GPC3: variants seen among roughly 807,000 people sequenced by gnomAD.
The protein encoded by GPC3 is glypican 3.
GPC3 carries 3 observed loss-of-function variants against 34.4 expected under a neutral mutation model. The ratio of observed to expected loss-of-function variants is 0.09; its 90% CI spans 0.04 to 0.23. The LOEUF is 0.23. Ranked by LOEUF, GPC3 falls within the 10% of genes least tolerant of loss-of-function variation. The pLI is 1.00. For missense variants in GPC3, 351 were observed against 445.6 expected (o/e 0.79, Z 1.91); for synonymous variants, 177 against 174.0 (o/e 1.02, Z -0.13).
intron 2 of GPC3, among the ~76,000 whole-genome samples, chrX:133,796,107 G>C (rs1182990286): frequency 9.1e-6 from 1 of 109,361 alleles, no homozygotes; most frequent in Non-Finnish European, 1.9e-5. Context: ...ACCACGCCCG[G>C]CTAATTTTTT....
chrX:133,966,255 T>C (rs1331405564), intron 1 of GPC3, among the ~76,000 whole-genome samples: 1 of 112,356 alleles, frequency 8.9e-6, no homozygotes, highest in Non-Finnish European at 1.9e-5. Context: ...ATGAAAAAAA[T>C]TGTTTCAAGC....
chrX:133,550,671 T>C (rs1476554257), intron 7 of GPC3, among the ~76,000 whole-genome samples: 1 of 111,947 alleles, frequency 8.9e-6, no homozygotes, highest in African/African-American at 3.2e-5. Context: ...ACTGAGAATG[T>C]GCAGGTGAAG....
At chrX:133,850,972 C>T (rs905609181) in intron 2 of GPC3, among the ~76,000 whole-genome samples, 1 of 109,138 alleles carries the variant, frequency 9.2e-6, no homozygotes, top group African/African-American at 3.3e-5. Context: ...GGCGTGGTGG[C>T]GGGCGCCTAT....
intron 2 of GPC3, among the ~76,000 whole-genome samples, chrX:133,834,972 C>T (rs1338908788): frequency 8.9e-6 from 1 of 112,022 alleles, no homozygotes; most frequent in Admixed American, 9.5e-5. Flanking sequence ...AGGAAACAGA[C>T]TTGGATTGAC....
chrX:133,794,670 G>A (rs764396828), intron 2 of GPC3, among the ~76,000 whole-genome samples: 5 of 111,792 alleles, frequency 4.5e-5, no homozygotes, highest in Admixed American at 9.5e-5. Flanking sequence ...GGTTGTAAAC[G>A]TGCCTTCACA....
intron 1 of GPC3, among the ~76,000 whole-genome samples, chrX:133,972,938 T>C (rs2076499510): frequency 9.0e-6 from 1 of 111,370 alleles, no homozygotes; most frequent in Admixed American, 9.6e-5. Context: ...TGGGAAATAC[T>C]GAGCTGAAGA....
chrX:133,733,436 C>G (rs1469237894), intron 3 of GPC3, among the ~76,000 whole-genome samples: 8 of 110,888 alleles, frequency 7.2e-5, no homozygotes, highest in Non-Finnish European at 1.3e-4. Flanking sequence ...ACCCCAAAAG[C>G]TATTGAAATA....
intron 5 of GPC3, among the ~76,000 whole-genome samples, chrX:133,688,481 T>C (rs183169269): frequency 4.5e-4 from 50 of 111,850 alleles, no homozygotes; most frequent in African/African-American, 1.6e-3. Context: ...TATGACCTTA[T>C]TCAGAGAGAT....
intron 5 of GPC3, among the ~76,000 whole-genome samples, chrX:133,665,054 T>TA (rs1473643506): frequency 8.9e-6 from 1 of 112,196 alleles, no homozygotes; most frequent in Admixed American, 9.5e-5. Flanking sequence ...TCCAATGCCT[T>TA]ACTGATTAAC....
At chrX:133,982,681 G>A (rs768729078) in intron 1 of GPC3, among the ~76,000 whole-genome samples, 7 of 112,006 alleles carry the variant, frequency 6.2e-5, no homozygotes, top group Non-Finnish European at 1.3e-4. Context: ...ACATTCTTGA[G>A]GATTTCTCCT....
chrX:133,595,612 C>A (rs1207752583), intron 7 of GPC3, among the ~76,000 whole-genome samples: 3 of 110,954 alleles, frequency 2.7e-5, no homozygotes, highest in Non-Finnish European at 5.7e-5. Context: ...CTCACTACAA[C>A]CACTGCCTCC....
At chrX:133,919,927 A>G (rs1222252466) in intron 2 of GPC3, among the ~76,000 whole-genome samples, 1 of 109,389 alleles carries the variant, frequency 9.1e-6, no homozygotes, top group African/African-American at 3.3e-5. Context: ...TTGGAAGCTG[A>G]GGTAGGAGGA....
At chrX:133,723,011 C>T (rs1013480106) in intron 3 of GPC3, among the ~76,000 whole-genome samples, 5 of 111,607 alleles carry the variant, frequency 4.5e-5, no homozygotes, top group African/African-American at 1.3e-4. Context: ...TTCCTCCGAT[C>T]GCTTCTTTTG....
intron 6 of GPC3, among the ~76,000 whole-genome samples, chrX:133,613,857 G>C (rs1297160983): frequency 8.9e-6 from 1 of 112,059 alleles, no homozygotes; most frequent in Non-Finnish European, 1.9e-5. Flanking sequence ...CATGTCTAAA[G>C]AATTAAAGAA....
chrX:133,554,696 C>A (rs1269290364), intron 7 of GPC3, among the ~76,000 whole-genome samples: 2 of 110,514 alleles, frequency 1.8e-5, no homozygotes, highest in African/African-American at 6.6e-5. Flanking sequence ...TGGCTCATAC[C>A]CCTGCTCTCT....
chrX:133,859,865 T>C (rs2124566187), intron 2 of GPC3, among the ~76,000 whole-genome samples: 1 of 111,758 alleles, frequency 8.9e-6, no homozygotes, highest in East Asian at 2.8e-4. Context: ...ACAAGAAGCA[T>C]GGTATCAGCA....
rs373680195 is a variant in GPC3, at chrX:133,906,260, G to C, written c.337+46790C>G. Among the ~76,000 whole-genome samples, 10 of 112,231 alleles carry C rather than the reference G, an allele frequency of 8.9e-5. No individual in the cohort carries two copies. In the East Asian group the frequency reaches 2.8e-3, roughly 31 times the overall value. ...CTCTGCCATTATTAGGGAAAGAAGG[G>C]AGGATAGGCTGCATTAATATGCAGC... On this transcript the variant is annotated intron_variant, in intron 2 of 7. Transcript: ENST00000370818.
intron 2 of GPC3, among the ~76,000 whole-genome samples, chrX:133,792,960 G>C (rs923631143): frequency 1.3e-4 from 14 of 111,215 alleles, no homozygotes; most frequent in Admixed American, 9.6e-4. Flanking sequence ...TTATGCAAAG[G>C]GCTGCCTAAT....
chrX:133,838,808 AAAG>A (rs1382665070), intron 2 of GPC3, among the ~76,000 whole-genome samples: 1 of 112,060 alleles, frequency 8.9e-6, no homozygotes, highest in Non-Finnish European at 1.9e-5. Flanking sequence ...CACTTTCTGC[AAAG>A]AAGGCAGTAG....
Sources: allele counts gnomAD v4.1 joint callset (sites outside exome capture counted in the v4.1 genomes callset), GRCh38; gene constraint gnomAD v4.1.1; transcripts MANE v1.5; gene names NCBI Gene and HGNC (gene_info 2026-07-23, HGNC 2026-07-21).